SMARCC1: variants seen among roughly 807,000 people sequenced by gnomAD.
SMARCC1 encodes SWI/SNF related BAF chromatin remodeling complex subunit C1, also known as SWI/SNF complex subunit SMARCC1.
SMARCC1 carries 43 observed loss-of-function variants against 147.4 expected under a neutral mutation model. The ratio of observed to expected loss-of-function variants is 0.29; its 90% confidence interval spans 0.23 to 0.38. SMARCC1 has a LOEUF of 0.38. Among genes scored for constraint, SMARCC1 ranks in the 10% least tolerant of loss-of-function variants. The pLI, the probability that SMARCC1 is intolerant of heterozygous loss-of-function variation, is 1.00. For missense variants in SMARCC1, 1,119 were observed against 1,381.1 expected, an observed-to-expected ratio of 0.81 and a Z score of 3.01; for synonymous variants, 495 against 484.4, an observed-to-expected ratio of 1.02 and a Z score of -0.29.
intron 5 of SMARCC1, among the ~76,000 whole-genome samples, chr3:47,733,737 G>A (rs1017749680): frequency 4.6e-5 from 7 of 151,594 alleles, no homozygotes; most frequent in Middle Eastern, 3.2e-3. Flanking sequence ...GGTGGTGGGC[G>A]CCTGTAGTCC....
intron 1 of SMARCC1, among the ~76,000 whole-genome samples, chr3:47,778,139 C>T (rs1237487558): frequency 3.6e-5 from 5 of 140,552 alleles, no homozygotes; most frequent in African/African-American, 5.3e-5. Flanking sequence ...CTTGGGAGGC[C>T]GAGGTCACAC....
At chr3:47,765,503 G>A (rs567004696) in intron 2 of SMARCC1, among the ~76,000 whole-genome samples, 1 of 151,520 alleles carries the variant, frequency 6.6e-6, no homozygotes, top group East Asian at 1.9e-4. Context: ...TATTCCACAA[G>A]TAAATTTCCT....
intron 26 of SMARCC1, chr3:47,604,003 CA>C (rs1297100507): frequency 2.2e-6 from 1 of 456,730 alleles, no homozygotes; most frequent in Non-Finnish European, 4.4e-6. Context: ...CAGTAGTCTC[CA>C]AACAAAAATT....
At chr3:47,622,174 T>G in intron 25 of SMARCC1, 33 bp downstream of exon 25, 1 of 1,585,258 alleles carries the variant, frequency 6.3e-7, no homozygotes, top group Non-Finnish European at 8.6e-7. Context: ...GGTTTAATTG[T>G]GAAAAAGCCA....
Position 47,689,384 on chromosome 3 carries a change from T to C in SMARCC1, c.1263+3A>G. Reference sequence around the variant, plus strand: ...CTCACACCAGGCTTAACTGAATTGTTACCTTTCCTCCTGCTGTGACTGTTT... The same window carrying C: ...CTCACACCAGGCTTAACTGAATTGTCACCTTTCCTCCTGCTGTGACTGTTT... On this transcript the variant is annotated splice_donor_region_variant and intron_variant, in intron 13 of 27. Transcript: ENST00000254480. 6.2e-7 allele frequency: 1 copy of C among 1,612,180 alleles called. No homozygotes were observed. The highest frequency in any genetic ancestry group is 8.5e-7 in the Non-Finnish European group (1 of 1,178,254).
intron 2 of SMARCC1, chr3:47,746,196 C>G: frequency 2.3e-6 from 1 of 440,286 alleles, no homozygotes. Flanking sequence ...TGCCTGTAAT[C>G]CCAACACTCT....
intron 19 of SMARCC1, among the ~76,000 whole-genome samples, chr3:47,667,857 C>A (rs1198084046): frequency 6.6e-6 from 1 of 152,072 alleles, no homozygotes; most frequent in East Asian, 1.9e-4. Context: ...AGCCTGGTGA[C>A]AGAGTGAGAT....
intron 12 of SMARCC1, 119 bp from the exon 13 acceptor site, chr3:47,689,543 A>G: frequency 1.3e-6 from 1 of 786,018 alleles, no homozygotes; most frequent in Non-Finnish European, 2.2e-6. Context: ...ATAGTGCATT[A>G]TTAAAGCAAA....
chr3:47,699,770 T>A (rs1416907951), intron 11 of SMARCC1, among the ~76,000 whole-genome samples: 1 of 152,122 alleles, frequency 6.6e-6, no homozygotes, highest in African/African-American at 2.4e-5. Flanking sequence ...TTTAGTGCCA[T>A]ATAAACCATA....
intron 5 of SMARCC1, among the ~76,000 whole-genome samples, chr3:47,733,551 T>C (rs941752374): frequency 6.6e-6 from 1 of 151,176 alleles, no homozygotes; most frequent in East Asian, 2.0e-4. Flanking sequence ...GACCAGCCTT[T>C]CCAATATGGT....
intron 3 of SMARCC1, among the ~76,000 whole-genome samples, chr3:47,742,802 C>G (rs1312048875): frequency 6.6e-6 from 1 of 152,116 alleles, no homozygotes; most frequent in Non-Finnish European, 1.5e-5. Context: ...GGGCTGGGTT[C>G]AAACTCCTGG....
intron 25 of SMARCC1, among the ~76,000 whole-genome samples, chr3:47,616,794 A>G (rs2106678419): frequency 6.6e-6 from 1 of 152,296 alleles, no homozygotes; most frequent in South Asian, 2.1e-4. Context: ...TAAGACTAAA[A>G]AGAACATCTG....
intron 9 of SMARCC1, among the ~76,000 whole-genome samples, chr3:47,709,763 C>T (rs918517559): frequency 1.3e-5 from 2 of 152,110 alleles, no homozygotes; most frequent in Admixed American, 6.6e-5. Flanking sequence ...TAAAAGCTAT[C>T]ACAAACCCAA....
At chr3:47,697,146 C>G (rs1488406559) in intron 11 of SMARCC1, among the ~76,000 whole-genome samples, 1 of 152,144 alleles carries the variant, frequency 6.6e-6, no homozygotes, top group Non-Finnish European at 1.5e-5. Context: ...TATGGCAAGA[C>G]CGTGTCTCTA....
At chr3:47,695,938 ATG>A (rs2033845575) in intron 11 of SMARCC1, among the ~76,000 whole-genome samples, 1 of 127,214 alleles carries the variant, frequency 7.9e-6, no homozygotes, top group African/African-American at 3.1e-5. Context: ...GTGGTGGTGC[ATG>A]CCTGTAATCC....
intron 2 of SMARCC1, among the ~76,000 whole-genome samples, chr3:47,754,337 G>A (rs1361699822): frequency 2.0e-5 from 3 of 151,892 alleles, no homozygotes; most frequent in African/African-American, 7.3e-5. Context: ...TCAGTAGCTG[G>A]GACTGCAGGC....
At chr3:47,733,894 C>T (rs528216736) in intron 5 of SMARCC1, among the ~76,000 whole-genome samples, 13 of 147,892 alleles carry the variant, frequency 8.8e-5, no homozygotes, top group South Asian at 6.3e-4. Flanking sequence ...TATATATACA[C>T]GTATATATAT....
At position 47,684,016 on chromosome 3, in the gene SMARCC1, G is replaced by T. The variant is rs575426241; in HGVS notation, c.1385+2033C>A. Among the ~76,000 whole-genome samples the T allele has an allele frequency of 4.7e-3, 711 of 152,272 alleles. 2 individuals are homozygous for T. The highest frequency in any genetic ancestry group is 0.016 in the African/African-American group (669 of 41,574). On this transcript the variant is annotated intron_variant, in intron 14 of 27. Transcript: ENST00000254480. ...GCCTGTAATCCCAGCACTTTGGGAG[G>T]CCGAGGCGGGCGGATCACGAGGTCA...
At chr3:47,764,392 T>C (rs1386907879) in intron 2 of SMARCC1, among the ~76,000 whole-genome samples, 1 of 152,140 alleles carries the variant, frequency 6.6e-6, no homozygotes, top group African/African-American at 2.4e-5. Flanking sequence ...TAGGACACAT[T>C]ACAGGGAGAG....
Sources: gnomAD v4.1 joint callset for allele counts (sites outside exome capture counted in the v4.1 genomes callset) on GRCh38, gnomAD v4.1.1 for gene constraint, MANE v1.5 for transcripts, NCBI Gene and HGNC (gene_info 2026-07-23, HGNC 2026-07-21) for gene names.